Variants in ABLIM3 observed in about 807,000 individuals in gnomAD.
ABLIM3 encodes actin-binding LIM protein 3.
A neutral mutation model predicts 109.5 loss-of-function variants in ABLIM3; 61 were observed. The ratio of observed to expected loss-of-function variants is 0.56; its 90% CI spans 0.45 to 0.69. The LOEUF (loss-of-function observed/expected upper bound fraction) is 0.69, where lower values mean the gene tolerates loss of function less well. ABLIM3 is among the 30% of genes least tolerant of loss of function. The probability of loss-of-function intolerance (pLI) is 0.00; values close to 1 mark genes in which losing one functional copy is unlikely to be tolerated. For missense variants in ABLIM3, 796 were observed against 889.5 expected (o/e 0.89, Z 1.34); for synonymous variants, 300 against 324.8 (o/e 0.92, Z 0.82).
intron 15 of ABLIM3, among the ~76,000 whole-genome samples, chr5:149,243,006 G>A (rs1753013059): frequency 1.3e-5 from 2 of 152,234 alleles, no homozygotes; most frequent in Non-Finnish European, 2.9e-5. Flanking sequence ...AACCCCTGCT[G>A]TAAGTTGTTC....
intron 22 of ABLIM3, 48 bp from the exon 23 acceptor site, chr5:149,252,709 A>C (rs1437696813): frequency 8.3e-6 from 12 of 1,437,614 alleles, no homozygotes; most frequent in Non-Finnish European, 1.2e-5. Context: ...GAAAGGAACA[A>C]GCCCACCACC....
At chr5:149,143,858 C>A (rs968022405) in intron 2 of ABLIM3, among the ~76,000 whole-genome samples, 1 of 152,110 alleles carries the variant, frequency 6.6e-6, no homozygotes, top group Non-Finnish European at 1.5e-5. Context: ...CCTGTCACTT[C>A]TCACTATCTC....
At chr5:149,185,531 G>T (rs1756875241) in intron 3 of ABLIM3, among the ~76,000 whole-genome samples, 1 of 152,154 alleles carries the variant, frequency 6.6e-6, no homozygotes, top group African/African-American at 2.4e-5. Flanking sequence ...CAGATTTCAA[G>T]GGTGTTAATA....
intron 23 of ABLIM3, among the ~76,000 whole-genome samples, chr5:149,255,964 A>T (rs1192138663): frequency 6.6e-6 from 1 of 152,210 alleles, no homozygotes; most frequent in Non-Finnish European, 1.5e-5. Context: ...TTTCCAGAAA[A>T]GGAAATTGAA....
At chr5:149,191,279 TAAA>T (rs140973425) in intron 3 of ABLIM3, among the ~76,000 whole-genome samples, 3 of 151,988 alleles carry the variant, frequency 2.0e-5, no homozygotes, top group African/African-American at 7.3e-5. Context: ...ATTAAAGACA[TAAA>T]AAGAAATATT....
rs537419676 is a variant in ABLIM3, at chr5:149,242,663, G to C, written c.1351+125G>C. On this transcript the variant is annotated intron_variant, in intron 15 of 23. Coordinates refer to ENST00000309868, the MANE Select transcript of ABLIM3 (RefSeq NM_014945.5). Reference sequence around the variant, plus strand: ...ACAAGGCTGCATCTTGGTCCTTCTTGTTGACTGCCCCATCACCCAGGGTGA... The same window carrying C: ...ACAAGGCTGCATCTTGGTCCTTCTTCTTGACTGCCCCATCACCCAGGGTGA... 1.3e-3 allele frequency: 1,330 copies of C among 1,014,204 alleles called. 10 individuals carry two copies. The highest frequency in any genetic ancestry group is 9.5e-3 in the South Asian group (727 of 76,918). 62.8% of individuals were successfully genotyped at this position (1,014,204 alleles called of 1,614,324 possible).
chr5:149,187,080 C>T (rs1227328600), intron 3 of ABLIM3, among the ~76,000 whole-genome samples: 1 of 151,940 alleles, frequency 6.6e-6, no homozygotes, highest in Non-Finnish European at 1.5e-5. Flanking sequence ...AAAAAAGAAG[C>T]TAATATATGG....
At chr5:149,141,851 G>C in intron 1 of ABLIM3, 158 bp from the exon 2 acceptor site, 1 of 573,894 alleles carries the variant, frequency 1.7e-6, no homozygotes, top group Admixed American at 3.2e-5. Context: ...CCGGGGCGCC[G>C]GTGTCCTGCC....
chr5:149,154,771 C>T (rs571366083), intron 2 of ABLIM3, among the ~76,000 whole-genome samples: 1 of 152,280 alleles, frequency 6.6e-6, no homozygotes, highest in East Asian at 1.9e-4. Context: ...GTGTGACAAA[C>T]CCTGTCTGTT....
At chr5:149,250,219 G>A (rs1029083571) in intron 19 of ABLIM3, among the ~76,000 whole-genome samples, 1 of 152,222 alleles carries the variant, frequency 6.6e-6, no homozygotes, top group Non-Finnish European at 1.5e-5. Flanking sequence ...ATAGAAGAGT[G>A]TATGAGTGGG....
At chr5:149,163,907 G>A (rs1232361144) in intron 2 of ABLIM3, 1 of 152,112 alleles carries the variant, frequency 6.6e-6, no homozygotes, top group Non-Finnish European at 1.5e-5. Flanking sequence ...AGGGAAGATG[G>A]TTTTTCCCCA....
chr5:149,143,311 C>T (rs1187254148), intron 2 of ABLIM3, among the ~76,000 whole-genome samples: 3 of 151,182 alleles, frequency 2.0e-5, no homozygotes, highest in Admixed American at 6.6e-5. Context: ...TGCAGTGAGC[C>T]GAGATCACAC....
intron 3 of ABLIM3, among the ~76,000 whole-genome samples, chr5:149,184,831 T>G (rs773719678): frequency 1.8e-4 from 27 of 152,220 alleles, no homozygotes; most frequent in Admixed American, 3.9e-4. Flanking sequence ...AACTTCTTTC[T>G]TCATGATCTA....
intron 7 of ABLIM3, among the ~76,000 whole-genome samples, chr5:149,215,891 A>T (rs1420557223): frequency 6.6e-6 from 1 of 152,202 alleles, no homozygotes; most frequent in African/African-American, 2.4e-5. Flanking sequence ...TGACTCACAC[A>T]CATCCGGACC....
At chr5:149,200,630 C>A (rs1007234197) in intron 5 of ABLIM3, 1 of 593,766 alleles carries the variant, frequency 1.7e-6, no homozygotes, top group African/African-American at 1.9e-5. Context: ...GAGGGGCTGC[C>A]TGGCCATAAA....
In ABLIM3 at chr5:149,198,468, C is replaced by G; in HGVS notation, c.335+66C>G. On this transcript the variant is annotated intron_variant, in intron 4 of 23. Transcript: ENST00000309868. The surrounding 1 kb of genome is among the most constrained non-coding windows in gnomAD (Gnocchi z 4.2). ...GCCCCCGGGGCAGGGGAAGACCTGG[C>G]TTTTTCCAGGAAGTTCTGGGGTTTA... 6.7e-7 allele frequency: 1 copy of G among 1,494,372 alleles called. No homozygotes were observed. The highest frequency in any genetic ancestry group is 1.4e-5 in the South Asian group (1 of 72,238). 92.6% of individuals were successfully genotyped at this position (1,494,372 alleles called of 1,614,324 possible).
chr5:149,153,575 A>T (rs1753625300), intron 2 of ABLIM3, among the ~76,000 whole-genome samples: 1 of 152,230 alleles, frequency 6.6e-6, no homozygotes, highest in South Asian at 2.1e-4. Flanking sequence ...GACCCTGATC[A>T]GGCTCTGTTT....
At chr5:149,250,282 G>A (rs1753793986) in intron 19 of ABLIM3, among the ~76,000 whole-genome samples, 165 bp from the exon 20 acceptor site, 1 of 152,174 alleles carries the variant, frequency 6.6e-6, no homozygotes, top group African/African-American at 2.4e-5. Flanking sequence ...CCCAGAGATG[G>A]TCAAGTTGCA....
intron 8 of ABLIM3, among the ~76,000 whole-genome samples, chr5:149,225,988 ATAT>A (rs552775803): frequency 6.4e-5 from 1 of 15,644 alleles, no homozygotes; most frequent in African/African-American, 3.3e-4. Context: ...GTGTGTATAT[ATAT>A]ATATATATAT....
Sources: gnomAD v4.1 joint callset for allele counts (sites outside exome capture counted in the v4.1 genomes callset) on GRCh38, gnomAD v4.1.1 for gene constraint, Gnocchi (gnomAD v3.1) non-coding constraint, MANE v1.5 for transcripts, NCBI Gene and HGNC (gene_info 2026-07-23, HGNC 2026-07-21) for gene names.